G3BP1: variants seen among roughly 807,000 people sequenced by gnomAD.
G3BP1 encodes the protein G3BP stress granule assembly factor 1.
In G3BP1, 35 loss-of-function variants were observed where a neutral mutation model predicts 58.6. The observed-to-expected ratio is 0.60, with a 90% CI of 0.46 to 0.79. The LOEUF (loss-of-function observed/expected upper bound fraction) is 0.79. Among genes scored for constraint, G3BP1 ranks in the 30% least tolerant of loss-of-function variants. The pLI, the probability that G3BP1 is intolerant of heterozygous loss-of-function variation, is 0.00. For synonymous variants in G3BP1, 191 were observed against 195.4 expected (o/e 0.98, Z 0.19); for missense variants, 523 against 580.8 (o/e 0.90, Z 1.02).
intron 2 of G3BP1, among the ~76,000 whole-genome samples, chr5:151,789,419 G>T (rs973076321): frequency 1.3e-5 from 2 of 152,262 alleles, no homozygotes; most frequent in Non-Finnish European, 2.9e-5. Context: ...CTTAATAGTG[G>T]TTATCCCTGG....
chr5:151,779,596 G>A (rs952767280), intron 1 of G3BP1, among the ~76,000 whole-genome samples: 4 of 152,150 alleles, frequency 2.6e-5, no homozygotes, highest in East Asian at 1.9e-4. Context: ...TATATGTAAC[G>A]TTATCACACA....
intron 10 of G3BP1, among the ~76,000 whole-genome samples, 182 bp downstream of exon 10, chr5:151,800,528 A>G (rs1424444599): frequency 6.6e-6 from 1 of 152,186 alleles, no homozygotes; most frequent in Non-Finnish European, 1.5e-5. Context: ...TCATTTCAAC[A>G]TGTAAGAATA....
chr5:151,776,854 A>T (rs1762379784), intron 1 of G3BP1, among the ~76,000 whole-genome samples: 1 of 149,362 alleles, frequency 6.7e-6, no homozygotes, highest in African/African-American at 2.5e-5. Context: ...GGTGTGAGCC[A>T]CTGTGCTGGC....
chr5:151,778,089 C>T (rs1034950547), intron 1 of G3BP1, among the ~76,000 whole-genome samples: 6 of 152,028 alleles, frequency 3.9e-5, no homozygotes, highest in Non-Finnish European at 5.9e-5. Flanking sequence ...TATGGGTATA[C>T]GCCTTTATTT....
rs764968969 is a variant in G3BP1 at position 151,804,385 on chromosome 5, ATT to A, written c.*309_*310del. 0.012 allele frequency: 2,280 copies of A among 195,438 alleles called. No homozygotes were observed. Among genetic ancestry groups the A allele is most frequent in the Middle Eastern group, 0.024 (14 of 590 alleles). The allele number at this position is 195,438 out of a possible 1,614,324, so 12.1% of individuals were successfully genotyped here. On this transcript the variant is annotated 3_prime_UTR_variant, in exon 12 of 12. Coordinates refer to ENST00000356245, the MANE Select transcript of G3BP1 (RefSeq NM_005754.3). ...TGCTTACTTTGCATATACAGACTGG[ATT>A]TTTTTTTTTTTTTTACAGCCATTTC...
At chr5:151,801,486 A>G (rs1372996098) in intron 11 of G3BP1, among the ~76,000 whole-genome samples, 1 of 152,244 alleles carries the variant, frequency 6.6e-6, no homozygotes, top group Non-Finnish European at 1.5e-5. Context: ...AAGTGTATAA[A>G]TAATATTAAT....
chr5:151,785,340 G>A (rs530045281), intron 1 of G3BP1, among the ~76,000 whole-genome samples: 1 of 152,226 alleles, frequency 6.6e-6, no homozygotes, highest in South Asian at 2.1e-4. Flanking sequence ...AGATATTCAA[G>A]AATAATGCAA....
chr5:151,802,774 A>G (rs915947538), intron 11 of G3BP1, among the ~76,000 whole-genome samples: 1 of 152,194 alleles, frequency 6.6e-6, no homozygotes, highest in Non-Finnish European at 1.5e-5. Context: ...TCTACTAAAA[A>G]TACAAAAAAT....
chr5:151,784,222 A>AG (rs1762520002), intron 1 of G3BP1, among the ~76,000 whole-genome samples: 1 of 152,134 alleles, frequency 6.6e-6, no homozygotes, highest in Admixed American at 6.6e-5. Flanking sequence ...CAGCCACCTG[A>AG]GTAGCTGAGA....
In G3BP1 at chr5:151,812,145, A is replaced by G. The variant is rs1763026943; in HGVS notation, c.*8054A>G. On this transcript the variant is annotated 3_prime_UTR_variant, in exon 12 of 12. Transcript: ENST00000356245. ...AGCACATTTTCTACATCCCCAAAGT[A>G]TTTGGAATCACAGCATTGTAACTTG... The G allele has an allele frequency of 6.6e-6, 1 of 152,194 alleles. No individual in the cohort carries two copies. The highest frequency in any genetic ancestry group is 1.5e-5 in the Non-Finnish European group (1 of 68,044). The allele number at this position is 152,194 out of a possible 1,614,324, so 9.4% of individuals were successfully genotyped here.
At chr5:151,793,213 A>G (rs564714996) in intron 4 of G3BP1, among the ~76,000 whole-genome samples, 61 of 152,170 alleles carry the variant, frequency 4.0e-4, no homozygotes, top group African/African-American at 1.3e-3. Context: ...GGTTCAAGCA[A>G]TCCTCCCGCC....
At chr5:151,787,822 CAATATGAATATTT>C in intron 2 of G3BP1, 2 of 199,250 alleles carry the variant, frequency 1.0e-5, no homozygotes, top group Non-Finnish European at 2.0e-5. Context: ...TGAATGTATT[CAATATGAATATTT>C]TCAATTCATA....
chr5:151,781,494 G>A (rs997050810), intron 1 of G3BP1, among the ~76,000 whole-genome samples: 3 of 152,188 alleles, frequency 2.0e-5, no homozygotes, highest in Non-Finnish European at 4.4e-5. Flanking sequence ...TCAATGAGTA[G>A]TTTTCATCAT....
chr5:151,783,238 C>T (rs1224061393), intron 1 of G3BP1, among the ~76,000 whole-genome samples: 1 of 152,020 alleles, frequency 6.6e-6, no homozygotes, highest in Non-Finnish European at 1.5e-5. Context: ...AATTCTTTCT[C>T]AAGAGGTATT....
In G3BP1 at chr5:151,804,574, A is replaced by G. The variant is rs1164322897; in HGVS notation, c.*483A>G. 1 of 152,728 alleles carries G rather than the reference A, an allele frequency of 6.5e-6. No individual in the cohort carries two copies. The highest frequency in any genetic ancestry group is 1.5e-5 in the Non-Finnish European group (1 of 68,126). 9.5% of individuals were successfully genotyped at this position (152,728 alleles called of 1,614,324 possible). The stretch of plus-strand genomic sequence containing the variant: ...TGTTTCTTCTTTGAGAGTCATGACT[A>G]CCTTCTGGTGTGGAGAAATTGCCAT... On this transcript the variant is annotated 3_prime_UTR_variant, in exon 12 of 12. Transcript: ENST00000356245.
intron 5 of G3BP1, among the ~76,000 whole-genome samples, 193 bp downstream of exon 5, chr5:151,794,442 TTAG>T (rs1363673854): frequency 6.6e-6 from 1 of 152,208 alleles, no homozygotes; most frequent in Non-Finnish European, 1.5e-5. Context: ...ATCATGGATG[TTAG>T]TAGAAGACAT....
Position 151,810,649 on chromosome 5 carries a change from C to T in G3BP1, c.*6558C>T, listed in dbSNP as rs1763006228. ...AAGATAAGGACTAGGGAGTTCATCT[C>T]TGTATTCCACCAGAAGGTACAGTGA... is the stretch of plus-strand genomic sequence containing the variant. On this transcript the variant is annotated 3_prime_UTR_variant, in exon 12 of 12. Transcript: ENST00000356245. The T allele has an allele frequency of 6.6e-6, 1 of 152,234 alleles. No individual in the cohort carries two copies. The highest frequency in any genetic ancestry group is 2.4e-5 in the African/African-American group (1 of 41,452). 9.4% of individuals were successfully genotyped at this position (152,234 alleles called of 1,614,324 possible). A position where few individuals can be genotyped will look rare whatever the true frequency, so the allele number is the denominator to read the frequency against.
chr5:151,793,854 A>G (rs796980637), intron 4 of G3BP1, among the ~76,000 whole-genome samples: 4 of 151,790 alleles, frequency 2.6e-5, no homozygotes, highest in African/African-American at 9.7e-5. Flanking sequence ...AAAAAAAAGA[A>G]AAAAGAGAAA....
chr5:151,774,716 CAAA>C (rs1177088840), intron 1 of G3BP1, among the ~76,000 whole-genome samples: 6 of 137,392 alleles, frequency 4.4e-5, no homozygotes, highest in Non-Finnish European at 1.6e-5. Flanking sequence ...GTAGGTAGGT[CAAA>C]AAAAAAAAGG....
Sources: gnomAD v4.1 joint callset for allele counts (sites outside exome capture counted in the v4.1 genomes callset) on GRCh38, gnomAD v4.1.1 for gene constraint, MANE v1.5 for transcripts, NCBI Gene and HGNC (gene_info 2026-07-23, HGNC 2026-07-21) for gene names.